The following CKAP5 variants were observed in gnomAD, a reference collection of about 807,000 sequenced individuals.
The protein encoded by CKAP5 is cytoskeleton-associated protein 5.
In CKAP5, 27 loss-of-function variants were observed where a neutral mutation model predicts 232.8. The observed-to-expected ratio is 0.12, with a 90% CI of 0.09 to 0.16. The LOEUF is 0.16. Ranked by LOEUF, CKAP5 falls within the 10% of genes least tolerant of loss-of-function variation. The probability of loss-of-function intolerance (pLI) is 1.00; values close to 1 mark genes in which losing one functional copy is unlikely to be tolerated. For missense variants in CKAP5, 1,838 were observed against 2,424.7 expected, an observed-to-expected ratio of 0.76 and a Z score of 5.08; for synonymous variants, 785 against 841.1, an observed-to-expected ratio of 0.93 and a Z score of 1.16.
At chr11:46,753,095 C>T in intron 37 of CKAP5, 1 of 467,470 alleles carries the variant, frequency 2.1e-6, no homozygotes, top group South Asian at 4.7e-5. Flanking sequence ...TACCTTTGGT[C>T]CATGATGAAG....
Position 46,750,973 on chromosome 11 carries a change from T to C in CKAP5, c.5460+145A>G, listed in dbSNP as rs528540889. 3.2e-6 allele frequency: 3 copies of C among 931,388 alleles called. No homozygotes were observed. In the South Asian group the frequency reaches 5.1e-5, roughly 16 times the overall value. 57.7% of individuals were successfully genotyped at this position (931,388 alleles called of 1,614,324 possible). A position where few individuals can be genotyped will look rare whatever the true frequency, so the allele number is the denominator to read the frequency against. ...AAAATTTCAAGGTGGAAATGGTTACTGCACCACAGCAGGAGACTGATTCAA... is the reference window on the plus strand; with the variant it reads ...AAAATTTCAAGGTGGAAATGGTTACCGCACCACAGCAGGAGACTGATTCAA... On this transcript the variant is annotated intron_variant, in intron 40 of 43. Transcript: ENST00000529230.
At chr11:46,778,044 C>T (rs2065305690) in intron 22 of CKAP5, 95 bp downstream of exon 22, 2 of 946,088 alleles carry the variant, frequency 2.1e-6, no homozygotes, top group South Asian at 1.9e-5. Context: ...AATAAAGTAA[C>T]CACTTATTTT....
At chr11:46,790,050 A>G in intron 15 of CKAP5, 26 bp downstream of exon 15, 1 of 1,441,298 alleles carries the variant, frequency 6.9e-7, no homozygotes, top group Non-Finnish European at 9.6e-7. Context: ...ATTTTCTTTC[A>G]CACTCAATTC....
intron 24 of CKAP5, among the ~76,000 whole-genome samples, chr11:46,773,450 T>C (rs550139028): frequency 1.3e-5 from 2 of 152,092 alleles, no homozygotes; most frequent in East Asian, 3.9e-4. Flanking sequence ...GGTTTCACCA[T>C]GTTGGCTAGG....
intron 27 of CKAP5, 145 bp downstream of exon 27, chr11:46,767,430 C>T (rs2065211654): frequency 3.9e-6 from 2 of 509,370 alleles, no homozygotes; most frequent in Non-Finnish European, 3.4e-6. Flanking sequence ...TAAAAATGAA[C>T]CACAGAAATT....
intron 32 of CKAP5, among the ~76,000 whole-genome samples, chr11:46,761,248 C>CAA (rs59147777): frequency 0.13 from 11,361 of 85,122 alleles, 658 homozygotes; most frequent in South Asian, 0.24. Flanking sequence ...GACCCTGTCT[C>CAA]AAAAAAAAAA....
chr11:46,784,391 T>C, intron 17 of CKAP5, 97 bp downstream of exon 17: 1 of 995,800 alleles, frequency 1.0e-6, no homozygotes, highest in Middle Eastern at 2.2e-4. Context: ...AAAAAGATTT[T>C]ACTTGAGAAG....
At chr11:46,766,941 A>C (rs1001964884) in intron 27 of CKAP5, among the ~76,000 whole-genome samples, 7 of 152,152 alleles carry the variant, frequency 4.6e-5, no homozygotes, top group African/African-American at 1.7e-4. Flanking sequence ...AACAGTGCCA[A>C]ATTTGAAGGA....
At position 46,743,733 on chromosome 11, in the gene CKAP5, TAAAAAGAAAA is replaced by T. The variant is rs940991978; in HGVS notation, c.*280_*289del. 3.5e-5 allele frequency: 9 copies of T among 255,588 alleles called. No homozygotes were observed. Among genetic ancestry groups the T allele is most frequent in the African/African-American group, 2.2e-4 (8 of 36,044 alleles). The allele number at this position is 255,588 out of a possible 1,614,324, so 15.8% of individuals were successfully genotyped here. A position where few individuals can be genotyped will look rare whatever the true frequency, so the allele number is the denominator to read the frequency against. On this transcript the variant is annotated 3_prime_UTR_variant, in exon 44 of 44. Transcript: ENST00000529230. ...TAGGACAATTTTACAAATGAGCAAT[TAAAAAGAAAA>T]GAAAAGGATCTGGGAACTAGACTGA...
At chr11:46,779,769 G>A (rs1296370517) in intron 20 of CKAP5, among the ~76,000 whole-genome samples, 1 of 151,696 alleles carries the variant, frequency 6.6e-6, no homozygotes, top group African/African-American at 2.4e-5. Context: ...ACAGGCATGT[G>A]CCACTATGCC....
chr11:46,797,479 A>G (rs1445582822), intron 11 of CKAP5, among the ~76,000 whole-genome samples: 1 of 152,140 alleles, frequency 6.6e-6, no homozygotes, highest in Non-Finnish European at 1.5e-5. Context: ...CTTACCCTCT[A>G]TCTAAAATAA....
chr11:46,821,293 G>T, intron 1 of CKAP5, 25 bp from the exon 2 acceptor site: 1 of 1,146,782 alleles, frequency 8.7e-7, no homozygotes, highest in Non-Finnish European at 1.3e-6. Flanking sequence ...GTAGAAACCT[G>T]CTTAGCAACC....
intron 1 of CKAP5, among the ~76,000 whole-genome samples, chr11:46,841,581 A>G (rs1462815953): frequency 1.3e-5 from 2 of 152,256 alleles, no homozygotes; most frequent in Non-Finnish European, 2.9e-5. Flanking sequence ...CACCCATGGT[A>G]AAGAGCTGAA....
chr11:46,833,012 A>G (rs1939828409), intron 1 of CKAP5, among the ~76,000 whole-genome samples: 1 of 152,102 alleles, frequency 6.6e-6, no homozygotes, highest in African/African-American at 2.4e-5. Context: ...CTGTCCTGAC[A>G]ACTGTGCTTG....
intron 1 of CKAP5, among the ~76,000 whole-genome samples, chr11:46,835,763 A>G (rs1939902756): frequency 6.6e-6 from 1 of 152,188 alleles, no homozygotes; most frequent in Non-Finnish European, 1.5e-5. Context: ...AGTGGAATCT[A>G]ATCCCTTCAC....
chr11:46,748,432 CT>C, intron 42 of CKAP5, among the ~76,000 whole-genome samples: 1 of 152,114 alleles, frequency 6.6e-6, no homozygotes, highest in East Asian at 1.9e-4. Context: ...AGCTTTGGAT[CT>C]GAACAAACTC....
chr11:46,781,254 T>C (rs992388837), intron 18 of CKAP5, among the ~76,000 whole-genome samples: 1 of 152,310 alleles, frequency 6.6e-6, no homozygotes, highest in Non-Finnish European at 1.5e-5. Flanking sequence ...TCTCTCTTGT[T>C]CTATTCTACT....
At chr11:46,783,425 A>G in intron 17 of CKAP5, 57 bp from the exon 18 acceptor site, 4 of 1,082,832 alleles carry the variant, frequency 3.7e-6, no homozygotes, top group Non-Finnish European at 5.6e-6. Flanking sequence ...ATAGAAATAC[A>G]GCATGACATT....
intron 27 of CKAP5, among the ~76,000 whole-genome samples, chr11:46,766,834 T>A (rs1052715827): frequency 6.6e-6 from 1 of 152,214 alleles, no homozygotes; most frequent in Admixed American, 6.5e-5. Flanking sequence ...CAACTCTCCA[T>A]GAATATTGAA....
Sources: allele counts gnomAD v4.1 joint callset (sites outside exome capture counted in the v4.1 genomes callset), GRCh38; gene constraint gnomAD v4.1.1; transcripts MANE v1.5; gene names NCBI Gene and HGNC (gene_info 2026-07-23, HGNC 2026-07-21).